TSGA10: variants seen among roughly 807,000 people sequenced by gnomAD.
TSGA10 encodes the protein testis specific 10.
In TSGA10, 43 loss-of-function variants were observed where a neutral mutation model predicts 96.6. That is an observed-to-expected ratio of 0.44 (90% confidence interval 0.35 to 0.57). TSGA10 has a LOEUF of 0.57. TSGA10 is among the 20% of genes least tolerant of loss of function. TSGA10 has a pLI of 0.01. For missense variants in TSGA10, 703 were observed against 834.4 expected (o/e 0.84, Z 1.94); for synonymous variants, 229 against 269.9 (o/e 0.85, Z 1.48).
At chr2:99,128,811 T>G (rs1405210290) in intron 1 of TSGA10, among the ~76,000 whole-genome samples, 1 of 152,214 alleles carries the variant, frequency 6.6e-6, no homozygotes, top group African/African-American at 2.4e-5. Context: ...CAGGTTGGCA[T>G]GATCACGGCT....
Position 99,051,971 on chromosome 2 carries a change from C to T in TSGA10, c.1404+12968G>A, listed in dbSNP as rs568278362. On this transcript the variant is annotated intron_variant, in intron 16 of 20. Coordinates refer to ENST00000393483, the MANE Select transcript of TSGA10 (RefSeq NM_025244.4). Reference sequence around the variant, plus strand: ...CAACATACCTGAACTTATGAGCTGCCGCTAAAGCAGTGCTTAGAAGAAAAT... The same window carrying T: ...CAACATACCTGAACTTATGAGCTGCTGCTAAAGCAGTGCTTAGAAGAAAAT... 6.6e-5 allele frequency among the ~76,000 whole-genome samples: 10 copies of T among 151,696 alleles called. No homozygotes were observed. In the South Asian group the frequency reaches 1.9e-3, roughly 28 times the overall value.
intron 16 of TSGA10, among the ~76,000 whole-genome samples, chr2:99,039,109 C>G (rs1284949469): frequency 6.6e-6 from 1 of 151,888 alleles, no homozygotes; most frequent in African/African-American, 2.4e-5. Context: ...AGTGCCACAA[C>G]TTATCAAAAC....
upstream of TSGA10, chr2:99,154,942 C>CA: frequency 8.8e-6 from 4 of 452,242 alleles, no homozygotes; most frequent in Non-Finnish European, 1.8e-5. Flanking sequence ...GGCCGGCCCT[C>CA]AGGGGGCGGG....
intron 20 of TSGA10, among the ~76,000 whole-genome samples, chr2:99,016,902 C>T (rs1342730252): frequency 6.6e-6 from 1 of 152,110 alleles, no homozygotes; most frequent in African/African-American, 2.4e-5. Context: ...TGAAAAGATG[C>T]TCATCATCAC....
chr2:99,064,308 CTGTT>C (rs1412031710), intron 16 of TSGA10, among the ~76,000 whole-genome samples: 3 of 152,056 alleles, frequency 2.0e-5, no homozygotes, highest in East Asian at 3.9e-4. Flanking sequence ...ATATATGCAA[CTGTT>C]TGAGTAAAGC....
At chr2:99,086,517 TA>T (rs1318864685) in intron 10 of TSGA10, among the ~76,000 whole-genome samples, 2 of 152,182 alleles carry the variant, frequency 1.3e-5, no homozygotes, top group Non-Finnish European at 2.9e-5. Context: ...AGATGCAGAA[TA>T]AGCATTTGAC....
intron 11 of TSGA10, among the ~76,000 whole-genome samples, chr2:99,080,201 C>G (rs768327686): frequency 2.0e-5 from 3 of 152,208 alleles, no homozygotes; most frequent in Non-Finnish European, 4.4e-5. Context: ...ATCCAACACT[C>G]CATTCAAACT....
chr2:99,074,691 T>C (rs1257497463), intron 12 of TSGA10, among the ~76,000 whole-genome samples: 5 of 152,198 alleles, frequency 3.3e-5, no homozygotes, highest in Non-Finnish European at 2.9e-5. Context: ...CCGAATGCGG[T>C]GGCTTATGCC....
At chr2:99,123,890 T>C (rs554284183) in intron 2 of TSGA10, among the ~76,000 whole-genome samples, 8 of 152,364 alleles carry the variant, frequency 5.3e-5, no homozygotes, top group African/African-American at 1.7e-4. Flanking sequence ...TTGTTGACAT[T>C]TGGGTTTTTT....
intron 1 of TSGA10, among the ~76,000 whole-genome samples, chr2:99,149,763 A>G (rs1402477826): frequency 7.2e-6 from 1 of 139,730 alleles, no homozygotes; most frequent in East Asian, 2.1e-4. Flanking sequence ...TTTACAGACT[A>G]GACATCCTTA....
intron 10 of TSGA10, among the ~76,000 whole-genome samples, chr2:99,093,894 A>AAAGAC (rs1281233169): frequency 6.6e-6 from 1 of 152,174 alleles, no homozygotes; most frequent in Admixed American, 6.5e-5. Context: ...CAGAACTAGA[A>AAAGAC]AAGACAATCC....
chr2:99,056,139 CGCTTGCA>C (rs1199850751), intron 16 of TSGA10, among the ~76,000 whole-genome samples: 1 of 149,830 alleles, frequency 6.7e-6, no homozygotes, highest in Middle Eastern at 3.6e-3. Context: ...CGGGAGGCAG[CGCTTGCA>C]GTGAGCCGAG....
intron 1 of TSGA10, among the ~76,000 whole-genome samples, chr2:99,131,208 T>C (rs530274967): frequency 6.6e-6 from 1 of 152,250 alleles, no homozygotes; most frequent in Non-Finnish European, 1.5e-5. Context: ...TATAAAATAC[T>C]GTGGGCAGTA....
At chr2:99,074,508 T>TA (rs111472791) in intron 12 of TSGA10, among the ~76,000 whole-genome samples, 64,187 of 150,178 alleles carry the variant, frequency 0.43, 15,984 homozygotes, top group African/African-American at 0.7. Flanking sequence ...AAATATGCAT[T>TA]AAAAAAAAAG....
At chr2:99,038,264 C>T (rs76754811) in intron 16 of TSGA10, among the ~76,000 whole-genome samples, 345 of 152,154 alleles carry the variant, frequency 2.3e-3, no homozygotes, top group Non-Finnish European at 3.7e-3. Context: ...ACAAAGTATT[C>T]AGGCAACAAG....
intron 20 of TSGA10, among the ~76,000 whole-genome samples, chr2:99,013,711 G>A (rs2079219937): frequency 6.6e-6 from 1 of 151,784 alleles, no homozygotes; most frequent in Non-Finnish European, 1.5e-5. Flanking sequence ...AAAATACATG[G>A]ACATTAAATA....
chr2:99,098,438 C>CAAA (rs59144676), intron 10 of TSGA10, among the ~76,000 whole-genome samples: 24 of 92,600 alleles, frequency 2.6e-4, no homozygotes, highest in African/African-American at 1.0e-3. Context: ...GACTCTGCCT[C>CAAA]AAAAAAAAAA....
At chr2:99,057,450 A>C (rs2084136743) in intron 16 of TSGA10, among the ~76,000 whole-genome samples, 1 of 152,162 alleles carries the variant, frequency 6.6e-6, no homozygotes, top group African/African-American at 2.4e-5. Context: ...ATTTTTATAC[A>C]CTTGCGATGG....
At chr2:99,042,443 A>G (rs369506880) in intron 16 of TSGA10, among the ~76,000 whole-genome samples, 20 of 152,254 alleles carry the variant, frequency 1.3e-4, no homozygotes, top group African/African-American at 4.1e-4. Flanking sequence ...AAGGCTGGTC[A>G]GCTGTCTGGG....
Sources: allele counts gnomAD v4.1 joint callset (sites outside exome capture counted in the v4.1 genomes callset), GRCh38; gene constraint gnomAD v4.1.1; transcripts MANE v1.5; gene names NCBI Gene and HGNC (gene_info 2026-07-23, HGNC 2026-07-21).